The following PRSS54 variants were observed in gnomAD, a reference collection of about 807,000 sequenced individuals.
PRSS54 encodes the protein serine protease 54.
Under a neutral mutation model 19.9 loss-of-function variants are expected in PRSS54, and 16 were observed. That is an observed-to-expected ratio of 0.80 (90% CI 0.54 to 1.22). The LOEUF is 1.22. Among genes scored for constraint, PRSS54 ranks in the 50% most tolerant of loss-of-function variants. The pLI is 0.00. For synonymous variants in PRSS54, 177 were observed against 195.8 expected, an observed-to-expected ratio of 0.90 and a Z score of 0.80; for missense variants, 444 against 494.8, an observed-to-expected ratio of 0.90 and a Z score of 0.97.
chr16:58,284,219 C>G (rs1964855783), intron 6 of PRSS54, among the ~76,000 whole-genome samples: 1 of 152,134 alleles, frequency 6.6e-6, no homozygotes, highest in Non-Finnish European at 1.5e-5. Flanking sequence ...AACTCAGTAA[C>G]TGATAGCATC....
chr16:58,290,922 C>T lies in PRSS54; in HGVS notation c.263+37G>A, dbSNP rs772369375. The T allele has an allele frequency of 1.8e-5, 29 of 1,607,656 alleles. No individual in the cohort carries two copies. The East Asian group carries it at 4.2e-4, about 23-fold the overall frequency. ...ACAGGGTCGCCCCCACCCTCACCCC[C>T]GGCGATGTTGCGGGCCCCAAAGGCA... On this transcript the variant is annotated intron_variant, in intron 4 of 6. Coordinates refer to ENST00000567164, the MANE Select transcript of PRSS54 (RefSeq NM_001305173.2).
At chr16:58,288,163 T>G (rs1964958850) in intron 4 of PRSS54, among the ~76,000 whole-genome samples, 2 of 152,196 alleles carry the variant, frequency 1.3e-5, no homozygotes, top group Admixed American at 6.5e-5. Flanking sequence ...TGATGGCTCA[T>G]GTCTATAATC....
rs1482342809 is a variant in PRSS54 at position 58,286,061 on chromosome 16, A to C, written c.398T>G (p.Leu133Arg). 2.5e-6 allele frequency: 4 copies of C among 1,614,114 alleles called. No individual in the cohort carries two copies. Among genetic ancestry groups the C allele is most frequent in the Admixed American group, 1.7e-5 (1 of 60,006 alleles). The change falls in exon 5 of 7, where the codon CTG becomes CGG. Residue 133 changes from leucine (L) to arginine (R), a missense_variant. Coordinates refer to ENST00000567164, the MANE Select transcript of PRSS54 (RefSeq NM_001305173.2). Reference sequence around the variant, plus strand: ...AAAATGCATCGCTGTGTCTGTCTTCAGGAGGGCTATGTTGTTGCTCATGGA... The same window carrying C: ...AAAATGCATCGCTGTGTCTGTCTTCCGGAGGGCTATGTTGTTGCTCATGGA... ...NNSMSNNIALLKTDTAMHFGN... is the reference protein window; with the variant it reads ...NNSMSNNIALRKTDTAMHFGN...
chr16:58,285,723 C>CAAA (rs1178010291), intron 5 of PRSS54, among the ~76,000 whole-genome samples: 9 of 78,820 alleles, frequency 1.1e-4, no homozygotes, highest in East Asian at 4.4e-4. Flanking sequence ...GACCCTGTCT[C>CAAA]AAAAAAAAAA....
At position 58,280,672 on chromosome 16, in the gene PRSS54, G is replaced by A. The variant is rs371707462; in HGVS notation, c.740C>T (p.Thr247Met). 18 of 1,614,040 alleles carry A rather than the reference G, an allele frequency of 1.1e-5. 1 individual carries two copies. Among genetic ancestry groups the A allele is most frequent in the South Asian group, 5.5e-5 (5 of 91,088 alleles). Residue 247 changes from threonine to methionine, a missense_variant, in exon 7 of 7, where the codon ACG becomes ATG. Coordinates refer to ENST00000567164, the MANE Select transcript of PRSS54 (RefSeq NM_001305173.2). ...LRGVLNFGGE[T>M]CPGLFLYTKV... is the part of the protein sequence containing the mutation. ...GGTGTACAGAAACAGGCCAGGGCAC[G>A]TCTCACCACCGAAGTTCAGGACTCC... is the stretch of plus-strand genomic sequence containing the variant.
intron 4 of PRSS54, among the ~76,000 whole-genome samples, chr16:58,289,118 C>T (rs1487368421): frequency 6.6e-6 from 1 of 152,046 alleles, no homozygotes; most frequent in Non-Finnish European, 1.5e-5. Flanking sequence ...GGACTGGTGT[C>T]CCTATAAGAA....
Position 58,280,435 on chromosome 16 carries a change from C to G in PRSS54, c.977G>C (p.Gly326Ala). The G allele has an allele frequency of 6.2e-7, 1 of 1,614,144 alleles. No individual in the cohort carries two copies. ...ATCTAGACTATCTCTAGAGCTGTTT[C>G]CTAGTCGTGAATGCGTGATGGTCCT... Reference protein sequence around the residue: ...QRRTITHSRLGNSSRDSLDVR... With the variant: ...QRRTITHSRLANSSRDSLDVR... The change falls in exon 7 of 7, where the codon GGA becomes GCA. Residue 326 changes from glycine to alanine, a missense_variant. By Grantham distance (60) the Gly-to-Ala change is moderately conservative. Coordinates refer to ENST00000567164, the MANE Select transcript of PRSS54 (RefSeq NM_001305173.2).
intron 6 of PRSS54, chr16:58,282,316 T>C (rs1964781518): frequency 6.6e-6 from 1 of 152,306 alleles, no homozygotes; most frequent in Non-Finnish European, 1.5e-5. Context: ...AATTTCTGTA[T>C]TTTTAGTAGA....
rs1035895964 is a variant in PRSS54, at chr16:58,286,087, G to A, written c.372C>T (p.Asn124=). The A allele has an allele frequency of 6.2e-7, 1 of 1,613,562 alleles. No individual in the cohort carries two copies. The highest frequency in any genetic ancestry group is 8.5e-7 in the Non-Finnish European group (1 of 1,179,976). ...TIIIHEDFDN[N]SMSNNIALLK... is the part of the protein sequence containing the mutation. ...GGAGGGCTATGTTGTTGCTCATGGA[G>A]TTGTTATCAAAGTCCTCATGGATGA... Residue 124 remains asparagine, a synonymous_variant, in exon 5 of 7, where the codon AAC becomes AAT. Transcript: ENST00000567164.
chr16:58,294,366 T>A (rs555786635), intron 1 of PRSS54, among the ~76,000 whole-genome samples, 157 bp from the exon 2 acceptor site: 6 of 152,288 alleles, frequency 3.9e-5, no homozygotes, highest in African/African-American at 1.2e-4. Flanking sequence ...ATTTTATTTT[T>A]TTTGAGACTG....
chr16:58,287,958 A>G (rs1964954028), intron 4 of PRSS54, among the ~76,000 whole-genome samples: 1 of 152,332 alleles, frequency 6.6e-6, no homozygotes, highest in South Asian at 2.1e-4. Context: ...TATATATTGA[A>G]TTATACACCA....
In PRSS54 at chr16:58,288,182, T is replaced by G. The variant is rs977107924; in HGVS notation, c.264-1987A>C. Among the ~76,000 whole-genome samples the G allele has an allele frequency of 3.3e-5, 5 of 152,214 alleles. No individual in the cohort carries two copies. The South Asian group carries it at 1.0e-3, about 31-fold the overall frequency. On this transcript the variant is annotated intron_variant, in intron 4 of 6. Coordinates refer to ENST00000567164, the MANE Select transcript of PRSS54 (RefSeq NM_001305173.2). ...GGCTCATGTCTATAATCCCAGCACT[T>G]TGGGATGCCAAGGTGGGTGGATCAC...
intron 3 of PRSS54, 125 bp from the exon 4 acceptor site, chr16:58,291,261 G>A: frequency 1.2e-6 from 1 of 860,154 alleles, no homozygotes; most frequent in East Asian, 2.7e-5. Context: ...TTTGCCTAGT[G>A]TGTCTTCTTC....
Position 58,280,238 on chromosome 16 carries a change from A to G in PRSS54, c.1174T>C (p.Cys392Arg), listed in dbSNP as rs1398710984. 2 of 1,611,590 alleles carry G rather than the reference A, an allele frequency of 1.2e-6. No homozygotes were observed. The highest frequency in any genetic ancestry group is 1.7e-6 in the Non-Finnish European group (2 of 1,178,832). The change falls in exon 7 of 7, where the codon TGC becomes CGC. Residue 392 changes from cysteine (C) to arginine (R), a missense_variant. Physicochemically the swap from Cys to Arg is radical, Grantham distance 180 (BLOSUM62 -3). Transcript: ENST00000567164. ...TAGCTCCTGGACTAGATACTGCTGC[A>G]AAAGAAAACAAGCACGAAGGAAACC... ...ILVSFVLVFFCSSI is the reference protein window; with the variant it reads ...ILVSFVLVFFRSSI
At chr16:58,290,863 G>C (rs1023509813) in intron 4 of PRSS54, 96 bp downstream of exon 4, 1 of 1,362,170 alleles carries the variant, frequency 7.3e-7, no homozygotes, top group Non-Finnish European at 1.0e-6. Context: ...CCCCCAGAAT[G>C]CACCTTTCAG....
Position 58,280,748 on chromosome 16 carries a change from C to G in PRSS54, c.664G>C (p.Gly222Arg). The G allele has an allele frequency of 6.2e-7, 1 of 1,600,792 alleles. No individual in the cohort carries two copies. Among genetic ancestry groups the G allele is most frequent in the South Asian group, 1.1e-5 (1 of 90,320 alleles). Residue 222 changes from glycine (G) to arginine (R), a missense_variant, in exon 7 of 7, where the codon GGA (glycine) becomes CGA (arginine). Gly to Arg is a moderately radical substitution (Grantham distance 125). Coordinates refer to ENST00000567164, the MANE Select transcript of PRSS54 (RefSeq NM_001305173.2). ...ETKTACLGDP[G>R]SPMMCQLQQF... ...TGTAGCTGGCACATCATTGGGCTTCCTGGGTCCCCCTGTGATAAAAGACAG... is the reference window on the plus strand; with the variant it reads ...TGTAGCTGGCACATCATTGGGCTTCGTGGGTCCCCCTGTGATAAAAGACAG...
rs368672538 is a variant in PRSS54 at position 58,292,679 on chromosome 16, G to C, written c.85+1053C>G. Among the ~76,000 whole-genome samples, 5 of 152,324 alleles carry C rather than the reference G, an allele frequency of 3.3e-5. No individual in the cohort carries two copies. The East Asian group carries it at 9.6e-4, about 29-fold the overall frequency. On this transcript the variant is annotated intron_variant, in intron 3 of 6. Coordinates refer to ENST00000567164, the MANE Select transcript of PRSS54 (RefSeq NM_001305173.2). ...GTCACTAAGTGCATCAGAACCACTA[G>C]AGACAAGATCCTTATCTTTGGTCTG...
In PRSS54 at chr16:58,294,064, AGAG is replaced by A. The variant is rs1965096561; in HGVS notation, c.-89_-87del. On this transcript the variant is annotated 5_prime_UTR_variant, in exon 2 of 7. Transcript: ENST00000567164. ...CCGCACTGTGGTTTGTGAGATGGCCAGAGAAGAGAGGGCAGCTTACTCTTGTCA... is the reference window on the plus strand; with the variant it reads ...CCGCACTGTGGTTTGTGAGATGGCCAAAGAGAGGGCAGCTTACTCTTGTCA... 3 of 519,506 alleles carry A rather than the reference AGAG, an allele frequency of 5.8e-6. No homozygotes were observed. The highest frequency in any genetic ancestry group is 1.0e-5 in the Non-Finnish European group (3 of 287,672). The allele number at this position is 519,506 out of a possible 1,614,324, so 32.2% of individuals were successfully genotyped here. A position where few individuals can be genotyped will look rare whatever the true frequency, so the allele number is the denominator to read the frequency against.
chr16:58,280,397 CCTT>C lies in PRSS54; in HGVS notation c.1012_1014del (p.Lys338del), dbSNP rs1964687773. 1 of 1,614,060 alleles carries C rather than the reference CCTT, an allele frequency of 6.2e-7. No homozygotes were observed. The highest frequency in any genetic ancestry group is 1.7e-5 in the Admixed American group (1 of 60,006). On this transcript the variant is annotated inframe_deletion, in exon 7 of 7. Transcript: ENST00000567164. ...GGAGACCTGCCTGATTCCTTTACATCCTTCTCCCTAACATCTAGACTATCTCTA... is the reference window on the plus strand; with the variant it reads ...GGAGACCTGCCTGATTCCTTTACATCCTCCCTAACATCTAGACTATCTCTA...
Sources: gnomAD v4.1 joint callset for allele counts (sites outside exome capture counted in the v4.1 genomes callset) on GRCh38, gnomAD v4.1.1 for gene constraint, MANE v1.5 for transcripts, NCBI Gene and HGNC (gene_info 2026-07-23, HGNC 2026-07-21) for gene names.